Variants in AK5 observed in about 807,000 individuals in gnomAD.
AK5 encodes the protein adenylate kinase isoenzyme 5.
A neutral mutation model predicts 69.5 loss-of-function variants in AK5; 27 were observed. The observed-to-expected ratio is 0.39, with a 90% CI of 0.29 to 0.54. The LOEUF (loss-of-function observed/expected upper bound fraction) is 0.54. Among genes scored for constraint, AK5 ranks in the 20% least tolerant of loss-of-function variants. The probability of loss-of-function intolerance (pLI) is 0.71; values close to 1 mark genes in which losing one functional copy is unlikely to be tolerated. For missense variants in AK5, 531 were observed against 700.4 expected (o/e 0.76, Z 2.73); for synonymous variants, 260 against 244.4 (o/e 1.06, Z -0.60).
At chr1:77,510,657 T>A (rs1354494857) in intron 10 of AK5, among the ~76,000 whole-genome samples, 1 of 152,154 alleles carries the variant, frequency 6.6e-6, no homozygotes, top group Admixed American at 6.6e-5. Flanking sequence ...GAGAAATATA[T>A]TTCATATGGA....
intron 8 of AK5, among the ~76,000 whole-genome samples, chr1:77,454,938 T>A (rs1398160175): frequency 3.3e-5 from 5 of 152,238 alleles, no homozygotes; most frequent in Admixed American, 3.3e-4. Flanking sequence ...TTAATCATGT[T>A]GCCTTTCCTT....
At chr1:77,417,515 A>T in intron 7 of AK5, 124 bp from the exon 8 acceptor site, 1 of 656,074 alleles carries the variant, frequency 1.5e-6, no homozygotes, top group South Asian at 1.7e-5. Flanking sequence ...AGATGAGAAC[A>T]GTCTAGAAAT....
chr1:77,402,585 G>A (rs1306995420), intron 6 of AK5, among the ~76,000 whole-genome samples: 1 of 151,972 alleles, frequency 6.6e-6, no homozygotes, highest in East Asian at 1.9e-4. Flanking sequence ...TGAGAATGAT[G>A]ATTTCCAGCT....
chr1:77,373,745 C>A (rs886641937), intron 6 of AK5, among the ~76,000 whole-genome samples: 32 of 146,098 alleles, frequency 2.2e-4, no homozygotes, highest in Admixed American at 4.8e-4. Flanking sequence ...AAAAAAAAAA[C>A]AAAAAACATA....
At chr1:77,442,202 A>C (rs1474151887) in intron 8 of AK5, among the ~76,000 whole-genome samples, 1 of 152,176 alleles carries the variant, frequency 6.6e-6, no homozygotes, top group Non-Finnish European at 1.5e-5. Context: ...AGCCATGGGC[A>C]GGGATGATTC....
intron 5 of AK5, among the ~76,000 whole-genome samples, chr1:77,312,945 T>C (rs1451814212): frequency 6.6e-6 from 1 of 152,096 alleles, no homozygotes; most frequent in Non-Finnish European, 1.5e-5. Context: ...CAGACCTTCC[T>C]TCATAATGAT....
chr1:77,406,076 T>C (rs1245700987), intron 6 of AK5, among the ~76,000 whole-genome samples: 3 of 152,146 alleles, frequency 2.0e-5, no homozygotes, highest in South Asian at 2.1e-4. Context: ...AAACCCCTGT[T>C]AGTAGATATT....
intron 6 of AK5, among the ~76,000 whole-genome samples, chr1:77,365,484 G>A (rs912038147): frequency 1.3e-5 from 2 of 152,204 alleles, no homozygotes; most frequent in Non-Finnish European, 2.9e-5. Flanking sequence ...TAGGTCAGCA[G>A]TCCCCAACCT....
chr1:77,329,439 A>T (rs1377732), intron 5 of AK5, among the ~76,000 whole-genome samples: 20,536 of 151,902 alleles, frequency 0.14, 1,612 homozygotes, highest in East Asian at 0.36. Flanking sequence ...ATAAATTTGC[A>T]TTTTTTAAAT....
chr1:77,416,616 A>C (rs1340026583), intron 7 of AK5, among the ~76,000 whole-genome samples: 1 of 152,148 alleles, frequency 6.6e-6, no homozygotes, highest in East Asian at 1.9e-4. Context: ...GAGAAGGGGG[A>C]AAAAAGAGAA....
chr1:77,386,149 A>G (rs1465535171), intron 6 of AK5, among the ~76,000 whole-genome samples: 1 of 152,194 alleles, frequency 6.6e-6, no homozygotes, highest in Non-Finnish European at 1.5e-5. Flanking sequence ...GTAATTTTTA[A>G]TAAATCAATA....
At chr1:77,319,074 C>T (rs1660389395) in intron 5 of AK5, among the ~76,000 whole-genome samples, 2 of 152,034 alleles carry the variant, frequency 1.3e-5, no homozygotes, top group Admixed American at 1.3e-4. Flanking sequence ...CATCCCAAGG[C>T]CTATAGGTTC....
rs758299862 is a variant in AK5, at chr1:77,558,603, T to G, written c.1622T>G (p.Ile541Arg). Reference sequence around the variant, plus strand: ...CTCTTTTTTTCCTTTTAAATATAGATAAATGCAGAGGGAACACCAGAGGAC... The same window carrying G: ...CTCTTTTTTTCCTTTTAAATATAGAGAAATGCAGAGGGAACACCAGAGGAC... ...YYETKTQLHKINAEGTPEDVF... is the reference protein window; with the variant it reads ...YYETKTQLHKRNAEGTPEDVF... Residue 541 changes from isoleucine (I) to arginine (R), a missense_variant and splice_region_variant, in exon 14 of 14, where the codon ATA becomes AGA. Ile to Arg is a moderately conservative substitution (Grantham distance 97). Coordinates refer to ENST00000354567, the MANE Select transcript of AK5 (RefSeq NM_174858.3). 6.3e-7 allele frequency: 1 copy of G among 1,580,238 alleles called. No individual in the cohort carries two copies. Among genetic ancestry groups the G allele is most frequent in the Non-Finnish European group, 8.7e-7 (1 of 1,150,130 alleles).
At chr1:77,430,607 A>G (rs190653029) in intron 8 of AK5, among the ~76,000 whole-genome samples, 195 of 152,348 alleles carry the variant, frequency 1.3e-3, no homozygotes, top group African/African-American at 4.5e-3. Flanking sequence ...AAAGAAAACA[A>G]AATTGAGAGA....
chr1:77,384,515 G>A lies in AK5; in HGVS notation c.892-26466G>A, dbSNP rs1426336068. Among the ~76,000 whole-genome samples the A allele has an allele frequency of 5.3e-5, 8 of 152,126 alleles. No individual in the cohort carries two copies. The East Asian group carries it at 1.5e-3, about 29-fold the overall frequency. On this transcript the variant is annotated intron_variant, in intron 6 of 13. Coordinates refer to ENST00000354567, the MANE Select transcript of AK5 (RefSeq NM_174858.3). ...GATAAGGAAATTGAGACTCAGAAAG[G>A]GACTCAGAAAAGCTACATAAGTCGA...
At chr1:77,471,904 A>G (rs1654532976) in intron 8 of AK5, among the ~76,000 whole-genome samples, 1 of 152,240 alleles carries the variant, frequency 6.6e-6, no homozygotes, top group African/African-American at 2.4e-5. Flanking sequence ...TCTTAAGAGA[A>G]TGCTGAACTG....
chr1:77,522,388 G>C (rs1258835981), intron 12 of AK5, among the ~76,000 whole-genome samples: 2 of 152,156 alleles, frequency 1.3e-5, no homozygotes, highest in Non-Finnish European at 2.9e-5. Context: ...GGCCGAGAGG[G>C]AAGAAGAGGG....
intron 5 of AK5, 80 bp from the exon 6 acceptor site, chr1:77,340,296 CA>C: frequency 7.2e-7 from 1 of 1,380,086 alleles, no homozygotes; most frequent in Non-Finnish European, 1.0e-6. Context: ...CTCCACAGAA[CA>C]AAAGGAAATG....
chr1:77,558,476 T>TTGG (rs957235052), intron 13 of AK5, 126 bp from the exon 14 acceptor site: 2 of 476,148 alleles, frequency 4.2e-6, no homozygotes, highest in Middle Eastern at 5.1e-4. Flanking sequence ...TCTCTGTGTT[T>TTGG]TGGGGGGGGT....
Sources: gnomAD v4.1 joint callset for allele counts (sites outside exome capture counted in the v4.1 genomes callset) on GRCh38, gnomAD v4.1.1 for gene constraint, MANE v1.5 for transcripts, NCBI Gene and HGNC (gene_info 2026-07-23, HGNC 2026-07-21) for gene names.